Variants in EXOC6B observed in about 807,000 individuals in gnomAD.
EXOC6B encodes SEC15 homolog B.
Under a neutral mutation model 113.5 loss-of-function variants are expected in EXOC6B, and 54 were observed. The ratio of observed to expected loss-of-function variants is 0.48; its 90% CI spans 0.38 to 0.60. EXOC6B has a LOEUF of 0.60. EXOC6B is among the 20% of genes least tolerant of loss of function. The pLI is 0.00. For synonymous variants in EXOC6B, 357 were observed against 339.0 expected (o/e 1.05, Z -0.58); for missense variants, 797 against 977.5 (o/e 0.82, Z 2.46).
chr2:72,297,060 T>G (rs1686182211), intron 20 of EXOC6B, among the ~76,000 whole-genome samples: 1 of 152,212 alleles, frequency 6.6e-6, no homozygotes, highest in African/African-American at 2.4e-5. Flanking sequence ...AATTCTCCCT[T>G]TCTTCCCTCC....
At chr2:72,472,046 C>A (rs970474218) in intron 17 of EXOC6B, among the ~76,000 whole-genome samples, 3 of 151,968 alleles carry the variant, frequency 2.0e-5, no homozygotes, top group Non-Finnish European at 2.9e-5. Context: ...ATATACTAAA[C>A]CATCCTTGCA....
chr2:72,769,128 T>G (rs1683268292), intron 1 of EXOC6B, among the ~76,000 whole-genome samples: 1 of 152,204 alleles, frequency 6.6e-6, no homozygotes, highest in Non-Finnish European at 1.5e-5. Flanking sequence ...TATATTTTAC[T>G]GCAATTTTAA....
intron 6 of EXOC6B, among the ~76,000 whole-genome samples, chr2:72,708,896 ATTTTT>A (rs1159794341): frequency 5.7e-5 from 4 of 69,802 alleles, no homozygotes; most frequent in African/African-American, 1.7e-4. Flanking sequence ...CATCCAGCTA[ATTTTT>A]TTTTTTTTTT....
intron 18 of EXOC6B, among the ~76,000 whole-genome samples, chr2:72,458,110 C>T (rs189677937): frequency 6.6e-6 from 1 of 152,094 alleles, no homozygotes; most frequent in Non-Finnish European, 1.5e-5. Context: ...CTTTCCAGTC[C>T]TCTCTATATA....
chr2:72,726,014 G>GTA (rs944761796), intron 5 of EXOC6B, among the ~76,000 whole-genome samples: 1 of 152,110 alleles, frequency 6.6e-6, no homozygotes, highest in Non-Finnish European at 1.5e-5. Flanking sequence ...AACTAAAGCA[G>GTA]TATATATACA....
At chr2:72,761,039 G>T (rs1191927202) in intron 1 of EXOC6B, among the ~76,000 whole-genome samples, 2 of 152,154 alleles carry the variant, frequency 1.3e-5, no homozygotes, top group African/African-American at 4.8e-5. Flanking sequence ...AATTAGCTGG[G>T]TGTGGTGGTG....
chr2:72,200,374 A>AT (rs1314619855), intron 20 of EXOC6B, among the ~76,000 whole-genome samples: 2 of 152,100 alleles, frequency 1.3e-5, no homozygotes, highest in South Asian at 4.1e-4. Context: ...TTTTAAAATA[A>AT]TTTTTATTTA....
At chr2:72,730,579 GACACACACACACACAC>G (rs3034987) in intron 5 of EXOC6B, among the ~76,000 whole-genome samples, 4 of 144,454 alleles carry the variant, frequency 2.8e-5, no homozygotes, top group African/African-American at 1.1e-4. Context: ...AACAGACAGA[GACACACACACACACAC>G]ACACACACAC....
rs1686871617 is a variant in EXOC6B, at chr2:72,825,822, G to A, written c.89C>T (p.Thr30Met). 2 of 1,612,730 alleles carry A rather than the reference G, an allele frequency of 1.2e-6. No individual in the cohort carries two copies. Among genetic ancestry groups the A allele is most frequent in the Admixed American group, 1.7e-5 (1 of 60,018 alleles). The change falls in exon 1 of 22, where the codon ACG (threonine) becomes ATG (methionine). Residue 30 changes from threonine to methionine, a missense_variant. Physicochemically the swap from Thr to Met is moderately conservative, Grantham distance 81. Transcript: ENST00000272427. This position sits in a 1 kb window ranked among gnomAD's most constrained non-coding sequence, Gnocchi z 4.4. ...RILREIESTDTACIGPTLRSV... is the reference protein window; with the variant it reads ...RILREIESTDMACIGPTLRSV... ...CCTGAGCGTGGGCCCGATGCAGGCC[G>A]TGTCAGTGCTCTCGATCTCTCGCAG...
intron 6 of EXOC6B, among the ~76,000 whole-genome samples, chr2:72,577,763 A>G (rs1040311774): frequency 6.6e-6 from 1 of 151,952 alleles, no homozygotes; most frequent in African/African-American, 2.4e-5. Context: ...CTAACATGCT[A>G]TGCTGTTTCA....
At chr2:72,550,395 A>G (rs1250485469) in intron 8 of EXOC6B, among the ~76,000 whole-genome samples, 1 of 152,132 alleles carries the variant, frequency 6.6e-6, no homozygotes, top group Non-Finnish European at 1.5e-5. Flanking sequence ...GAGATATCTG[A>G]GTATTTATTT....
chr2:72,625,049 T>C (rs939837849), intron 6 of EXOC6B, among the ~76,000 whole-genome samples: 3 of 139,400 alleles, frequency 2.2e-5, no homozygotes, highest in Non-Finnish European at 4.7e-5. Flanking sequence ...TGCAAGAACA[T>C]ATAGAAGTTT....
chr2:72,422,886 C>G (rs1021928233), intron 18 of EXOC6B, among the ~76,000 whole-genome samples: 9 of 143,198 alleles, frequency 6.3e-5, no homozygotes, highest in Admixed American at 3.3e-4. Context: ...AATCAGCGCC[C>G]TGACAAAACA....
rs549282451 is a variant in EXOC6B, at chr2:72,434,937, T to C, written c.1980+30223A>G. Among the ~76,000 whole-genome samples the C allele has an allele frequency of 6.6e-4, 101 of 152,202 alleles. 1 individual carries two copies. The highest frequency in any genetic ancestry group is 1.8e-3 in the Admixed American group (27 of 15,276). The stretch of plus-strand genomic sequence containing the variant: ...CTGCTCTGATCTTAGTTATTTGTTG[T>C]CTTCTGCTAGCTTTTGAATGTGTTT... On this transcript the variant is annotated intron_variant, in intron 18 of 21. Coordinates refer to ENST00000272427, the MANE Select transcript of EXOC6B (RefSeq NM_015189.3).
intron 20 of EXOC6B, among the ~76,000 whole-genome samples, chr2:72,205,873 A>G (rs1035434297): frequency 9.2e-5 from 14 of 152,278 alleles, no homozygotes; most frequent in African/African-American, 3.4e-4. Flanking sequence ...TCAGGGCAAT[A>G]TTGGGGATAT....
At chr2:72,790,030 A>G (rs1466645089) in intron 1 of EXOC6B, among the ~76,000 whole-genome samples, 1 of 152,176 alleles carries the variant, frequency 6.6e-6, no homozygotes. Flanking sequence ...ATGCTCACAG[A>G]TTTCCCCCAT....
At chr2:72,511,984 C>T (rs186183030) in intron 11 of EXOC6B, among the ~76,000 whole-genome samples, 1 of 152,172 alleles carries the variant, frequency 6.6e-6, no homozygotes, top group Non-Finnish European at 1.5e-5. Flanking sequence ...GTCATTGACT[C>T]CTCACTATTA....
intron 1 of EXOC6B, among the ~76,000 whole-genome samples, chr2:72,780,641 T>TAG (rs1416086845): frequency 6.6e-6 from 1 of 152,136 alleles, no homozygotes; most frequent in Non-Finnish European, 1.5e-5. Flanking sequence ...GGACATGGAG[T>TAG]AGAACCTAAT....
At chr2:72,671,752 A>AAAG in intron 6 of EXOC6B, among the ~76,000 whole-genome samples, 1 of 2,998 alleles carries the variant, frequency 3.3e-4, no homozygotes, top group East Asian at 0.022. Context: ...AGAGACAGAG[A>AAAG]AAGAAAGAAA....
Sources: gnomAD v4.1 joint callset for allele counts (sites outside exome capture counted in the v4.1 genomes callset) on GRCh38, gnomAD v4.1.1 for gene constraint, Gnocchi (gnomAD v3.1) non-coding constraint, MANE v1.5 for transcripts, NCBI Gene and HGNC (gene_info 2026-07-23, HGNC 2026-07-21) for gene names.